Variants in SCGN observed in about 807,000 individuals in gnomAD.
SCGN encodes the protein secretagogin, EF-hand calcium binding protein.
A neutral mutation model predicts 39.7 loss-of-function variants in SCGN; 30 were observed. The observed-to-expected ratio is 0.76, with a 90% CI of 0.57 to 1.03. SCGN has a LOEUF of 1.03. Among genes scored for constraint, SCGN ranks in the 50% least tolerant of loss-of-function variants. The pLI is 0.00. For synonymous variants in SCGN, 106 were observed against 114.1 expected (o/e 0.93, Z 0.45); for missense variants, 353 against 349.4 (o/e 1.01, Z -0.08).
intron 2 of SCGN, among the ~76,000 whole-genome samples, chr6:25,659,080 T>C (rs1277922377): frequency 6.6e-6 from 1 of 152,236 alleles, no homozygotes; most frequent in African/African-American, 2.4e-5. Flanking sequence ...GTTGGTACGA[T>C]GGATGACAAT....
rs764100597 is a variant in SCGN at position 25,689,191 on chromosome 6, A to G, written c.547A>G (p.Asn183Asp). 18 of 1,598,206 alleles carry G rather than the reference A, an allele frequency of 1.1e-5. No individual in the cohort carries two copies. The highest frequency in any genetic ancestry group is 1.5e-5 in the Non-Finnish European group (17 of 1,170,382). The change falls in exon 8 of 11, where the codon AAC becomes GAC. Residue 183 changes from asparagine to aspartate, a missense_variant. By Grantham distance (23) the Asn-to-Asp change is conservative. Transcript: ENST00000377961. ...ATTTAGGATTCTGGCTCTTCAGGAA[A>G]ACTTCCTTCTCCAATTTAAAATGGA... ...DLARILALQE[N>D]FLLQFKMDAC...
intron 7 of SCGN, 60 bp from the exon 8 acceptor site, chr6:25,689,112 G>A (rs1759742225): frequency 1.6e-6 from 2 of 1,252,338 alleles, no homozygotes; most frequent in African/African-American, 1.5e-5. Context: ...AGGGCTATAA[G>A]TTTTCGTATA....
rs778459962 is a variant in SCGN at position 25,691,115 on chromosome 6, G to A, written c.693G>A (p.Glu231=). The A allele has an allele frequency of 1.9e-6, 3 of 1,612,534 alleles. No individual in the cohort carries two copies. In the South Asian group the frequency reaches 3.3e-5, roughly 18 times the overall value. ...ATGGGTTTGTCAAAGACATGATGGA[G>A]CTTGTCCAGGTGAGTGCACGTTCTT... is the stretch of plus-strand genomic sequence containing the variant. ...EVDGFVKDMM[E]LVQPSISGVD... Residue 231 remains glutamate, a synonymous_variant, in exon 10 of 11, where the codon GAG becomes GAA. Transcript: ENST00000377961.
At chr6:25,668,945 A>G (rs1355550699) in intron 4 of SCGN, among the ~76,000 whole-genome samples, 1 of 152,038 alleles carries the variant, frequency 6.6e-6, no homozygotes, top group Non-Finnish European at 1.5e-5. Context: ...CCCCATCTCT[A>G]CTAAAAATAC....
chr6:25,656,863 A>C (rs182319865), intron 2 of SCGN, among the ~76,000 whole-genome samples: 1 of 152,330 alleles, frequency 6.6e-6, no homozygotes, highest in East Asian at 1.9e-4. Flanking sequence ...CTAATTTTTC[A>C]CCAACATGAC....
At chr6:25,695,389 C>G (rs910113773) in intron 10 of SCGN, among the ~76,000 whole-genome samples, 8 of 152,170 alleles carry the variant, frequency 5.3e-5, no homozygotes, top group African/African-American at 1.4e-4. Context: ...AGCCACCCCC[C>G]TCCACCTTTT....
intron 5 of SCGN, 112 bp downstream of exon 5, chr6:25,669,679 C>A: frequency 1.2e-6 from 1 of 851,248 alleles, no homozygotes; most frequent in South Asian, 1.5e-5. Flanking sequence ...ATATGTGACT[C>A]AAAAAATACA....
rs1759907096 is a variant in SCGN at position 25,701,187 on chromosome 6, G to T, written c.703-20G>T. ...ACACCATTGGCTTGCCTGTTAACATGTTACTTTTGTCGCCCTCAGCCCAGC... is the reference window on the plus strand; with the variant it reads ...ACACCATTGGCTTGCCTGTTAACATTTTACTTTTGTCGCCCTCAGCCCAGC... On this transcript the variant is annotated intron_variant, in intron 10 of 10. Transcript: ENST00000377961. 1 of 1,601,652 alleles carries T rather than the reference G, an allele frequency of 6.2e-7. No homozygotes were observed. The highest frequency in any genetic ancestry group is 1.3e-5 in the African/African-American group (1 of 74,826).
At chr6:25,672,967 C>G (rs1582579171) in intron 6 of SCGN, among the ~76,000 whole-genome samples, 1 of 152,180 alleles carries the variant, frequency 6.6e-6, no homozygotes, top group African/African-American at 2.4e-5. Context: ...TTGTACCCCA[C>G]TAGCCTGTGA....
At chr6:25,696,155 T>C (rs954089172) in intron 10 of SCGN, among the ~76,000 whole-genome samples, 1 of 152,222 alleles carries the variant, frequency 6.6e-6, no homozygotes, top group African/African-American at 2.4e-5. Context: ...GAATCTAACA[T>C]GTGCCTCTCT....
intron 7 of SCGN, among the ~76,000 whole-genome samples, chr6:25,685,980 A>G (rs895517988): frequency 3.3e-5 from 5 of 152,190 alleles, no homozygotes; most frequent in African/African-American, 9.6e-5. Flanking sequence ...GGCATTTTAT[A>G]TAAATGGAAT....
At chr6:25,657,993 G>GA (rs1300338858) in intron 2 of SCGN, among the ~76,000 whole-genome samples, 1 of 80,954 alleles carries the variant, frequency 1.2e-5, no homozygotes, top group Non-Finnish European at 2.5e-5. Context: ...TGTTCATTTA[G>GA]AAAGGTATCC....
intron 4 of SCGN, 127 bp downstream of exon 4, chr6:25,665,159 C>A: frequency 8.8e-6 from 6 of 682,424 alleles, no homozygotes; most frequent in Admixed American, 8.7e-5. Context: ...AGGATAAGAC[C>A]AAGCAAAAAA....
intron 10 of SCGN, among the ~76,000 whole-genome samples, chr6:25,699,645 C>T (rs1372372943): frequency 1.3e-5 from 2 of 149,208 alleles, no homozygotes; most frequent in African/African-American, 2.5e-5. Context: ...ACACACTTTT[C>T]AGTGTAAACC....
chr6:25,655,908 T>C (rs952693816), intron 2 of SCGN, among the ~76,000 whole-genome samples: 1 of 152,146 alleles, frequency 6.6e-6, no homozygotes, highest in African/African-American at 2.4e-5. Flanking sequence ...AGAAAGCTTT[T>C]GGAGCCAGGA....
intron 2 of SCGN, among the ~76,000 whole-genome samples, chr6:25,654,949 C>T (rs1760201861): frequency 6.6e-6 from 1 of 152,184 alleles, no homozygotes. Flanking sequence ...ACACAAGCTA[C>T]AGGTAGAGCT....
intron 6 of SCGN, among the ~76,000 whole-genome samples, chr6:25,675,079 GT>G (rs1181852497): frequency 6.6e-6 from 1 of 152,180 alleles, no homozygotes; most frequent in East Asian, 1.9e-4. Flanking sequence ...AGGCTGACTT[GT>G]CCCAGAGGCA....
chr6:25,689,635 G>A, intron 9 of SCGN, 103 bp downstream of exon 9: 1 of 890,488 alleles, frequency 1.1e-6, no homozygotes, highest in Non-Finnish European at 1.8e-6. Flanking sequence ...CTTACATGAT[G>A]AATACCAATC....
chr6:25,653,508 C>G lies in SCGN; in HGVS notation c.153+56C>G, dbSNP rs1760172383. ...TGCCTCTTAGTAAGATACGCACATCCAAGTCTTATATTGATTGGTACCTAT... is the reference window on the plus strand; with the variant it reads ...TGCCTCTTAGTAAGATACGCACATCGAAGTCTTATATTGATTGGTACCTAT... On this transcript the variant is annotated intron_variant, in intron 2 of 10. Transcript: ENST00000377961. The G allele has an allele frequency of 1.5e-5, 19 of 1,278,798 alleles. No individual in the cohort carries two copies. In the South Asian group the frequency reaches 2.3e-4, roughly 16 times the overall value. 79.2% of individuals were successfully genotyped at this position (1,278,798 alleles called of 1,614,324 possible).
Sources: gnomAD v4.1 joint callset for allele counts (sites outside exome capture counted in the v4.1 genomes callset) on GRCh38, gnomAD v4.1.1 for gene constraint, MANE v1.5 for transcripts, NCBI Gene and HGNC (gene_info 2026-07-23, HGNC 2026-07-21) for gene names.